PPFIA2: variants seen among roughly 807,000 people sequenced by gnomAD.
PPFIA2 encodes the protein PPFI scaffold protein A2.
In PPFIA2, 46 loss-of-function variants were observed where a neutral mutation model predicts 175.5. The observed-to-expected ratio is 0.26, with a 90% CI of 0.21 to 0.34. The LOEUF is 0.34. PPFIA2 is among the 10% of genes least tolerant of loss of function. The probability of loss-of-function intolerance (pLI) is 1.00; values close to 1 mark genes in which losing one functional copy is unlikely to be tolerated. For missense variants in PPFIA2, 1,179 were observed against 1,506.1 expected (o/e 0.78, Z 3.60); for synonymous variants, 568 against 511.4 (o/e 1.11, Z -1.49).
chr12:81,688,802 A>AATATATATATAT (rs3075480), intron 3 of PPFIA2, among the ~76,000 whole-genome samples: 1,423 of 140,702 alleles, frequency 0.01, 11 homozygotes, highest in Non-Finnish European at 0.013. Context: ...TGGTTTATTA[A>AATATATATATAT]ATATATATAT....
chr12:81,598,806 T>G (rs2059516873), intron 4 of PPFIA2, among the ~76,000 whole-genome samples: 1 of 152,026 alleles, frequency 6.6e-6, no homozygotes, highest in African/African-American at 2.4e-5. Context: ...TTTTCTGAAC[T>G]GCTATAGAAT....
chr12:81,532,431 T>A (rs2064718235), intron 4 of PPFIA2, among the ~76,000 whole-genome samples: 1 of 151,806 alleles, frequency 6.6e-6, no homozygotes, highest in Non-Finnish European at 1.5e-5. Flanking sequence ...AAGTAGTCCT[T>A]TCACTACCAT....
intron 4 of PPFIA2, among the ~76,000 whole-genome samples, chr12:81,550,912 G>A (rs958401277): frequency 8.6e-5 from 13 of 151,856 alleles, no homozygotes; most frequent in African/African-American, 2.7e-4. Context: ...AGGTGATAGC[G>A]CTTTCTTAGA....
At chr12:81,566,452 A>C (rs544673527) in intron 4 of PPFIA2, among the ~76,000 whole-genome samples, 1 of 136,256 alleles carries the variant, frequency 7.3e-6, no homozygotes, top group Non-Finnish European at 1.5e-5. Flanking sequence ...TGAAGCCGGG[A>C]GGCGGAGGTT....
intron 22 of PPFIA2, among the ~76,000 whole-genome samples, chr12:81,313,263 T>C (rs1250045683): frequency 6.6e-6 from 1 of 152,094 alleles, no homozygotes; most frequent in Non-Finnish European, 1.5e-5. Context: ...TTACTACAAC[T>C]CATAAAACAT....
At chr12:81,369,568 A>G (rs2034532689) in intron 11 of PPFIA2, 1 of 583,964 alleles carries the variant, frequency 1.7e-6, no homozygotes, top group Non-Finnish European at 2.3e-6. Context: ...AAATGAAAAG[A>G]AAAACTTAGA....
intron 4 of PPFIA2, among the ~76,000 whole-genome samples, chr12:81,557,289 T>C (rs888113480): frequency 4.6e-5 from 7 of 151,854 alleles, no homozygotes; most frequent in Non-Finnish European, 8.8e-5. Flanking sequence ...AATTTCTAAA[T>C]AAATATTTGT....
intron 22 of PPFIA2, among the ~76,000 whole-genome samples, chr12:81,318,594 A>G (rs2052947150): frequency 6.6e-6 from 1 of 151,668 alleles, no homozygotes; most frequent in Non-Finnish European, 1.5e-5. Context: ...CTAGCTTCAC[A>G]CTTTGACAAA....
intron 17 of PPFIA2, 103 bp from the exon 18 acceptor site, chr12:81,347,873 T>G: frequency 6.9e-7 from 1 of 1,447,248 alleles, no homozygotes; most frequent in Non-Finnish European, 9.1e-7. Flanking sequence ...CAGTAGAAAC[T>G]ATTCTTGAAC....
In PPFIA2 at chr12:81,645,957, AC is replaced by A. The variant is rs145121501; in HGVS notation, c.303+30833del. On this transcript the variant is annotated intron_variant, in intron 4 of 32. Transcript: ENST00000549396. The stretch of plus-strand genomic sequence containing the variant: ...AGGGCAAGATCCTGTCTAGCATCCA[AC>A]ATTTAGTCCTGCTTTGATAACCAAA... Among the ~76,000 whole-genome samples the A allele has an allele frequency of 5.0e-3, 762 of 152,306 alleles. 3 individuals carry two copies. Among genetic ancestry groups the A allele is most frequent in the African/African-American group, 0.014 (584 of 41,552 alleles).
intron 23 of PPFIA2, among the ~76,000 whole-genome samples, chr12:81,297,291 T>A (rs1050531737): frequency 6.6e-6 from 1 of 152,166 alleles, no homozygotes; most frequent in Non-Finnish European, 1.5e-5. Context: ...ATAGAAGTCA[T>A]GAGATCATAA....
chr12:81,348,629 G>A (rs1962123), intron 17 of PPFIA2, among the ~76,000 whole-genome samples: 1 of 151,720 alleles, frequency 6.6e-6, no homozygotes, highest in Non-Finnish European at 1.5e-5. Context: ...CCAGCTACTC[G>A]GGAGGCTGAA....
chr12:81,267,587 T>C (rs1232599973), intron 29 of PPFIA2, among the ~76,000 whole-genome samples: 3 of 152,148 alleles, frequency 2.0e-5, no homozygotes, highest in African/African-American at 7.2e-5. Flanking sequence ...GTATAATTCA[T>C]ACATGTAAAT....
intron 3 of PPFIA2, among the ~76,000 whole-genome samples, chr12:81,711,374 T>A (rs946337409): frequency 1.3e-5 from 2 of 151,406 alleles, no homozygotes; most frequent in African/African-American, 2.4e-5. Flanking sequence ...ACATCCACCG[T>A]TTAACCCACA....
In PPFIA2 at chr12:81,259,070, T is replaced by TC. The variant is rs2034555894; in HGVS notation, c.*623dup. On this transcript the variant is annotated 3_prime_UTR_variant, in exon 33 of 33. Transcript: ENST00000549396. ...TTTTTGGCTCCGGTTCCAGGTTAAATCATTCTTTTTTACATGATCAGAGGC... is the reference window on the plus strand; with the variant it reads ...TTTTTGGCTCCGGTTCCAGGTTAAATCCATTCTTTTTTACATGATCAGAGGC... 1 of 166,532 alleles carries TC rather than the reference T, an allele frequency of 6.0e-6. No homozygotes were observed. The highest frequency in any genetic ancestry group is 6.3e-5 in the Admixed American group (1 of 15,786). 10.3% of individuals were successfully genotyped at this position (166,532 alleles called of 1,614,324 possible). A position where few individuals can be genotyped will look rare whatever the true frequency, so the allele number is the denominator to read the frequency against.
intron 11 of PPFIA2, among the ~76,000 whole-genome samples, chr12:81,370,884 A>ATTT (rs1241582402): frequency 6.6e-6 from 1 of 151,952 alleles, no homozygotes; most frequent in Non-Finnish European, 1.5e-5. Context: ...ATTCTGTCAC[A>ATTT]TTTTATAAGC....
chr12:81,471,951 C>T (rs905571365), intron 4 of PPFIA2, among the ~76,000 whole-genome samples: 1 of 152,104 alleles, frequency 6.6e-6, no homozygotes, highest in African/African-American at 2.4e-5. Context: ...TGTCCAACCT[C>T]ACAAAATTGT....
At chr12:81,566,530 C>CAAAAAAAAAAAAAAAAAA (rs3075452) in intron 4 of PPFIA2, among the ~76,000 whole-genome samples, 164 of 68,350 alleles carry the variant, frequency 2.4e-3, no homozygotes, top group Non-Finnish European at 2.8e-3. Context: ...GACTCCAACT[C>CAAAAAAAAAAAAAAAAAA]AAAAAAAAAA....
chr12:81,415,208 AAAATATATATATATATATATATATATAT>A (rs2044902202), intron 7 of PPFIA2, among the ~76,000 whole-genome samples: 3 of 24,726 alleles, frequency 1.2e-4, no homozygotes, highest in African/African-American at 3.1e-4. Flanking sequence ...AAAAAAAAAA[AAAATATATATATATATATATATATATAT>A]ATATATATAT....
Sources: gnomAD v4.1 joint callset for allele counts (sites outside exome capture counted in the v4.1 genomes callset) on GRCh38, gnomAD v4.1.1 for gene constraint, MANE v1.5 for transcripts, NCBI Gene and HGNC (gene_info 2026-07-23, HGNC 2026-07-21) for gene names.